EYS: variants seen among roughly 807,000 people sequenced by gnomAD.
The protein encoded by EYS is EGF-like photoreceptor maintenance factor, also known as protein eyes shut homolog.
A neutral mutation model predicts 282.1 loss-of-function variants in EYS; 250 were observed. The observed-to-expected ratio is 0.89, with a 90% CI of 0.80 to 0.98. The LOEUF (loss-of-function observed/expected upper bound fraction) is 0.98, where lower values mean the gene tolerates loss of function less well. Among genes scored for constraint, EYS ranks in the 50% least tolerant of loss-of-function variants. The pLI is 0.00. For synonymous variants in EYS, 1,355 were observed against 1,282.9 expected, an observed-to-expected ratio of 1.06 and a Z score of -1.20; for missense variants, 4,016 against 3,709.0, an observed-to-expected ratio of 1.08 and a Z score of -2.15.
chr6:64,145,492 A>C (rs2150290770), intron 31 of EYS, among the ~76,000 whole-genome samples: 1 of 152,284 alleles, frequency 6.6e-6, no homozygotes, highest in African/African-American at 2.4e-5. Context: ...TACTCTCTTA[A>C]AATCCTTTAT....
intron 8 of EYS, among the ~76,000 whole-genome samples, chr6:65,382,650 T>A (rs910133940): frequency 9.9e-5 from 15 of 152,044 alleles, no homozygotes; most frequent in African/African-American, 3.4e-4. Context: ...GTCTGCAAGC[T>A]GAGGAGCAAG....
chr6:65,085,451 A>G lies in EYS; in HGVS notation c.2024-27724T>C, dbSNP rs141732345. ...TTTCTAATCTGAAAGGGCTACAGAAATGAACCATCACTGTGCTTCAAGCCA... is the reference window on the plus strand; with the variant it reads ...TTTCTAATCTGAAAGGGCTACAGAAGTGAACCATCACTGTGCTTCAAGCCA... On this transcript the variant is annotated intron_variant, in intron 12 of 42. Coordinates refer to ENST00000503581, the MANE Select transcript of EYS (RefSeq NM_001142800.2). 1.7e-3 allele frequency among the ~76,000 whole-genome samples: 258 copies of G among 152,312 alleles called. 5 individuals are homozygous for G. Among genetic ancestry groups the G allele is most frequent in the Admixed American group, 0.015 (227 of 15,300 alleles).
intron 28 of EYS, among the ~76,000 whole-genome samples, chr6:64,397,164 G>T (rs1249077146): frequency 6.6e-6 from 1 of 151,880 alleles, no homozygotes; most frequent in African/African-American, 2.4e-5. Flanking sequence ...AAAAGTTTGG[G>T]TGTATTCTTG....
At chr6:64,705,186 G>A (rs574895738) in intron 22 of EYS, among the ~76,000 whole-genome samples, 5 of 152,180 alleles carry the variant, frequency 3.3e-5, no homozygotes, top group East Asian at 1.9e-4. Context: ...CACCAACAGC[G>A]ACCAAGCTGA....
chr6:64,315,716 A>T (rs1364133641), intron 29 of EYS, among the ~76,000 whole-genome samples: 1 of 151,906 alleles, frequency 6.6e-6, no homozygotes, highest in Admixed American at 6.6e-5. Context: ...ACCTCATTTT[A>T]TGAGGACAGC....
intron 31 of EYS, among the ~76,000 whole-genome samples, chr6:64,162,272 G>T (rs75832316): frequency 6.6e-6 from 1 of 152,072 alleles, no homozygotes; most frequent in Non-Finnish European, 1.5e-5. Context: ...TATTTCTGTG[G>T]TTATTTGATT....
chr6:64,165,097 G>T (rs1003124060), intron 31 of EYS, among the ~76,000 whole-genome samples: 1 of 151,990 alleles, frequency 6.6e-6, no homozygotes, highest in Non-Finnish European at 1.5e-5. Context: ...TTATGTTAAT[G>T]GCTGACTATA....
intron 1 of EYS, among the ~76,000 whole-genome samples, chr6:65,689,901 A>C (rs1191773637): frequency 6.7e-6 from 1 of 149,518 alleles, no homozygotes; most frequent in Non-Finnish European, 1.5e-5. Flanking sequence ...AGACACACAC[A>C]AGATAGTGAA....
chr6:64,997,735 C>T lies in EYS; in HGVS notation c.2138-32G>A, dbSNP rs763006901. On this transcript the variant is annotated intron_variant, in intron 13 of 42. Coordinates refer to ENST00000503581, the MANE Select transcript of EYS (RefSeq NM_001142800.2). ...ACAACAGAAAAGAGAAAACTCTTAA[C>T]ATTCCTTTAACCTTAGTACAGGTAA... is the stretch of plus-strand genomic sequence containing the variant. The T allele has an allele frequency of 4.5e-6, 7 of 1,547,332 alleles. No homozygotes were observed. In the East Asian group the frequency reaches 7.4e-5, roughly 16 times the overall value.
chr6:64,057,958 A>G (rs1239747602), intron 33 of EYS, among the ~76,000 whole-genome samples: 1 of 152,124 alleles, frequency 6.6e-6, no homozygotes, highest in East Asian at 1.9e-4. Flanking sequence ...CAGTCTCCAA[A>G]GCAGCTGAGA....
chr6:65,034,216 A>G (rs937482536), intron 13 of EYS, among the ~76,000 whole-genome samples: 13 of 152,130 alleles, frequency 8.5e-5, no homozygotes, highest in Admixed American at 2.0e-4. Flanking sequence ...CAAAAAATTC[A>G]TTTTACAGGA....
In EYS at chr6:64,504,074, T is replaced by C. The variant is rs570720326; in HGVS notation, c.5645-64722A>G. Among the ~76,000 whole-genome samples the C allele has an allele frequency of 7.0e-4, 106 of 152,286 alleles. 4 individuals are homozygous for C. The South Asian group carries it at 0.021, about 30-fold the overall frequency. On this transcript the variant is annotated intron_variant, in intron 26 of 42. Coordinates refer to ENST00000503581, the MANE Select transcript of EYS (RefSeq NM_001142800.2). ...CTGTGAGTCAACTAAACCTATTTTC[T>C]TCATAAATTACACAGTCTCAAGTAG...
intron 22 of EYS, among the ~76,000 whole-genome samples, chr6:64,699,852 A>G (rs1004088463): frequency 2.6e-5 from 4 of 152,068 alleles, no homozygotes; most frequent in African/African-American, 9.7e-5. Flanking sequence ...TTACAAACCC[A>G]GTATTTTGAT....
At chr6:65,584,002 G>A (rs1416844115) in intron 2 of EYS, among the ~76,000 whole-genome samples, 1 of 151,370 alleles carries the variant, frequency 6.6e-6, no homozygotes, top group Non-Finnish European at 1.5e-5. Flanking sequence ...GAAAATTAAA[G>A]CAGAAACTTT....
In EYS at chr6:65,211,962, T is replaced by A. The variant is rs554316514; in HGVS notation, c.2023+83901A>T. Among the ~76,000 whole-genome samples the A allele has an allele frequency of 7.4e-4, 113 of 152,110 alleles. 1 individual carries two copies. Among genetic ancestry groups the A allele is most frequent in the African/African-American group, 2.6e-3 (110 of 41,516 alleles). On this transcript the variant is annotated intron_variant, in intron 12 of 42. Coordinates refer to ENST00000503581, the MANE Select transcript of EYS (RefSeq NM_001142800.2). ...TAAAGGCATAATAGATCTTAGCATC[T>A]AAATTATGGACAAATAAGTACAAAA...
intron 19 of EYS, among the ~76,000 whole-genome samples, chr6:64,823,045 T>A (rs546316592): frequency 1.5e-4 from 23 of 152,118 alleles, no homozygotes; most frequent in African/African-American, 5.5e-4. Context: ...AGCACAAGCT[T>A]AATCTACTGA....
intron 11 of EYS, among the ~76,000 whole-genome samples, chr6:65,315,611 A>G (rs1182835764): frequency 1.3e-5 from 2 of 149,784 alleles, no homozygotes; most frequent in African/African-American, 4.9e-5. Flanking sequence ...ATTATTGAAT[A>G]TAATAACTGT....
intron 30 of EYS, among the ~76,000 whole-genome samples, chr6:64,242,131 G>T (rs13191836): frequency 0.26 from 39,394 of 152,010 alleles, 5,498 homozygotes; most frequent in East Asian, 0.43. Context: ...TGAGAAGAAT[G>T]TATGTTCTGT....
intron 8 of EYS, among the ~76,000 whole-genome samples, chr6:65,362,874 T>C (rs1174714991): frequency 6.6e-6 from 1 of 152,058 alleles, no homozygotes; most frequent in Admixed American, 6.6e-5. Flanking sequence ...ATTAAACTCT[T>C]ATCATTGCTT....
Sources: allele counts gnomAD v4.1 joint callset (sites outside exome capture counted in the v4.1 genomes callset), GRCh38; gene constraint gnomAD v4.1.1; transcripts MANE v1.5; gene names NCBI Gene and HGNC (gene_info 2026-07-23, HGNC 2026-07-21).